Variants in TRABD2B observed in about 807,000 individuals in gnomAD.
TRABD2B encodes metalloprotease TIKI2.
TRABD2B carries 14 observed loss-of-function variants against 40.1 expected under a neutral mutation model. That is an observed-to-expected ratio of 0.35 (90% CI 0.23 to 0.55). The LOEUF is 0.55. Among genes scored for constraint, TRABD2B ranks in the 20% least tolerant of loss-of-function variants. The pLI, the probability that TRABD2B is intolerant of heterozygous loss-of-function variation, is 0.90. For missense variants in TRABD2B, 541 were observed against 648.6 expected, an observed-to-expected ratio of 0.83 and a Z score of 1.80; for synonymous variants, 263 against 277.0, an observed-to-expected ratio of 0.95 and a Z score of 0.50.
intron 4 of TRABD2B, among the ~76,000 whole-genome samples, chr1:47,787,504 G>T (rs777391175): frequency 6.6e-6 from 1 of 151,964 alleles, no homozygotes; most frequent in African/African-American, 2.4e-5. Context: ...TCATCTTGCC[G>T]CCTCCCCTCC....
At chr1:47,778,766 C>T (rs1644481955) in intron 4 of TRABD2B, among the ~76,000 whole-genome samples, 1 of 152,214 alleles carries the variant, frequency 6.6e-6, no homozygotes, top group Non-Finnish European at 1.5e-5. Context: ...AACTGTATCT[C>T]CCCATGCCTC....
At chr1:47,961,804 G>A (rs1438100071) in intron 2 of TRABD2B, among the ~76,000 whole-genome samples, 1 of 152,218 alleles carries the variant, frequency 6.6e-6, no homozygotes, top group Non-Finnish European at 1.5e-5. Flanking sequence ...AGACAGTGTG[G>A]AGACTCCTCA....
At chr1:47,809,509 T>C (rs1003466854) in intron 2 of TRABD2B, among the ~76,000 whole-genome samples, 2 of 152,146 alleles carry the variant, frequency 1.3e-5, no homozygotes, top group African/African-American at 4.8e-5. Context: ...TGGGCCCAAA[T>C]CATCTCTCAG....
intron 2 of TRABD2B, among the ~76,000 whole-genome samples, chr1:47,898,460 A>G (rs576748261): frequency 6.6e-6 from 1 of 152,304 alleles, no homozygotes; most frequent in Non-Finnish European, 1.5e-5. Context: ...AGAAAAGGAG[A>G]GGCCTAGGCT....
intron 2 of TRABD2B, among the ~76,000 whole-genome samples, chr1:47,877,776 T>C (rs995655959): frequency 8.5e-5 from 13 of 152,294 alleles, no homozygotes; most frequent in African/African-American, 2.9e-4. Flanking sequence ...ACTGGTGGAC[T>C]GCCTGAGGTT....
chr1:47,825,675 T>C (rs1353576010), intron 2 of TRABD2B, among the ~76,000 whole-genome samples: 1 of 152,160 alleles, frequency 6.6e-6, no homozygotes, highest in African/African-American at 2.4e-5. Flanking sequence ...AGAATCACTG[T>C]CTATACTCTC....
chr1:47,918,216 C>T lies in TRABD2B; in HGVS notation c.666+75818G>A, dbSNP rs192798156. 2.6e-5 allele frequency among the ~76,000 whole-genome samples: 4 copies of T among 152,310 alleles called. No homozygotes were observed. In the East Asian group the frequency reaches 5.8e-4, roughly 22 times the overall value. On this transcript the variant is annotated intron_variant, in intron 2 of 6. Transcript: ENST00000606738. ...AGGCAAGGGTTCACCTGTCTGTCTC[C>T]GTGGCTGGGCTGTGAATGCTTTATG...
chr1:47,790,794 A>T (rs1460228260), intron 4 of TRABD2B, among the ~76,000 whole-genome samples: 4 of 152,238 alleles, frequency 2.6e-5, no homozygotes, highest in African/African-American at 9.6e-5. Flanking sequence ...AGAGCCTGGA[A>T]TGGTGGCTGG....
intron 2 of TRABD2B, among the ~76,000 whole-genome samples, chr1:47,904,787 GTTC>G (rs1430581472): frequency 1.3e-5 from 2 of 152,182 alleles, no homozygotes; most frequent in African/African-American, 2.4e-5. Context: ...CATTAACACT[GTTC>G]TTCTAATTGA....
intron 2 of TRABD2B, among the ~76,000 whole-genome samples, chr1:47,951,947 A>G (rs544674845): frequency 2.6e-4 from 40 of 152,362 alleles, no homozygotes; most frequent in South Asian, 8.3e-4. Context: ...ACTGAGGCAT[A>G]AAGCAGTCAA....
chr1:47,801,688 C>G, intron 2 of TRABD2B, 69 bp from the exon 3 acceptor site: 2 of 1,486,120 alleles, frequency 1.3e-6, no homozygotes, highest in Admixed American at 2.1e-5. Context: ...AGGACTGACC[C>G]TCCTCCCTCT....
intron 2 of TRABD2B, among the ~76,000 whole-genome samples, chr1:47,825,875 T>G (rs973359693): frequency 3.9e-5 from 6 of 152,198 alleles, no homozygotes; most frequent in Non-Finnish European, 7.3e-5. Flanking sequence ...GTTCATGTTC[T>G]GCCTCCACCA....
chr1:47,929,191 G>C (rs1386512380), intron 2 of TRABD2B, among the ~76,000 whole-genome samples: 1 of 152,156 alleles, frequency 6.6e-6, no homozygotes, highest in Non-Finnish European at 1.5e-5. Context: ...AAGGCACCTG[G>C]AGCACAGAAT....
chr1:47,872,802 G>T (rs1054233662), intron 2 of TRABD2B, among the ~76,000 whole-genome samples: 2 of 152,182 alleles, frequency 1.3e-5, no homozygotes, highest in African/African-American at 4.8e-5. Flanking sequence ...TGGGGGGAAG[G>T]CTGGGAGTTT....
At chr1:47,788,422 T>C (rs1644625909) in intron 4 of TRABD2B, among the ~76,000 whole-genome samples, 1 of 152,208 alleles carries the variant, frequency 6.6e-6, no homozygotes, top group Non-Finnish European at 1.5e-5. Context: ...GGGGGCTGCA[T>C]GTGCCAAATG....
chr1:47,958,799 T>C (rs1161142446), intron 2 of TRABD2B, among the ~76,000 whole-genome samples: 1 of 152,120 alleles, frequency 6.6e-6, no homozygotes, highest in East Asian at 1.9e-4. Flanking sequence ...ATTAGTCAGA[T>C]CAGTGAGACA....
chr1:47,902,680 G>T (rs1258804604), intron 2 of TRABD2B, among the ~76,000 whole-genome samples: 1 of 151,832 alleles, frequency 6.6e-6, no homozygotes, highest in South Asian at 2.1e-4. Context: ...ATAGAGTCGG[G>T]GTCTTACCAT....
chr1:47,794,794 T>TA (rs1186861800), intron 3 of TRABD2B, 34 bp from the exon 4 acceptor site: 1 of 1,331,708 alleles, frequency 7.5e-7, no homozygotes, highest in Non-Finnish European at 9.7e-7. Flanking sequence ...CCTTCAGTTT[T>TA]TTTTTTTTTT....
chr1:47,973,121 A>G (rs1645704825), intron 2 of TRABD2B, among the ~76,000 whole-genome samples: 1 of 152,212 alleles, frequency 6.6e-6, no homozygotes, highest in East Asian at 1.9e-4. Flanking sequence ...AACACAAACC[A>G]AGAGATGCTG....
Sources: allele counts gnomAD v4.1 joint callset (sites outside exome capture counted in the v4.1 genomes callset), GRCh38; gene constraint gnomAD v4.1.1; transcripts MANE v1.5; gene names NCBI Gene and HGNC (gene_info 2026-07-23, HGNC 2026-07-21).